The following TTC7B variants were observed in gnomAD, a reference collection of about 807,000 sequenced individuals.
The protein encoded by TTC7B is tetratricopeptide repeat domain 7B.
TTC7B carries 28 observed loss-of-function variants against 106.8 expected under a neutral mutation model. The observed-to-expected ratio is 0.26, with a 90% CI of 0.19 to 0.36. The LOEUF (loss-of-function observed/expected upper bound fraction) is 0.36. TTC7B is among the 10% of genes least tolerant of loss of function. TTC7B has a pLI of 1.00. For missense variants in TTC7B, 862 were observed against 1,076.4 expected (o/e 0.80, Z 2.79); for synonymous variants, 405 against 430.6 (o/e 0.94, Z 0.74).
chr14:90,607,864 G>A (rs1337215624), intron 17 of TTC7B, among the ~76,000 whole-genome samples: 27 of 152,184 alleles, frequency 1.8e-4, no homozygotes, highest in Admixed American at 1.8e-3. Context: ...GCAGAGGAAA[G>A]ATACATATGC....
chr14:90,740,080 C>G (rs978863050), intron 4 of TTC7B, among the ~76,000 whole-genome samples: 32 of 152,232 alleles, frequency 2.1e-4, no homozygotes, highest in African/African-American at 7.5e-4. Flanking sequence ...GGAAAACAAA[C>G]TATCAGAGAC....
At position 90,527,120 on chromosome 14, in the gene TTC7B, G is replaced by T. The variant is rs958356600; in HGVS notation, c.*14248C>A. Reference sequence around the variant, plus strand: ...ATGATTACACTGGAGTTATGGGTTTGGGGGAAGAAGACCACAGAGATGAGG... The same window carrying T: ...ATGATTACACTGGAGTTATGGGTTTTGGGGAAGAAGACCACAGAGATGAGG... On this transcript the variant is annotated 3_prime_UTR_variant, in exon 20 of 20. Coordinates refer to ENST00000328459, the MANE Select transcript of TTC7B (RefSeq NM_001010854.2). The T allele has an allele frequency of 1.3e-5, 2 of 151,994 alleles. No individual in the cohort carries two copies. Among genetic ancestry groups the T allele is most frequent in the Non-Finnish European group, 2.9e-5 (2 of 68,008 alleles). 9.4% of individuals were successfully genotyped at this position (151,994 alleles called of 1,614,324 possible).
Position 90,552,963 on chromosome 14 carries a change from C to T in TTC7B, c.2311-11374G>A, listed in dbSNP as rs117542987. Among the ~76,000 whole-genome samples, 315 of 152,360 alleles carry T rather than the reference C, an allele frequency of 2.1e-3. 6 individuals carry two copies. The East Asian group carries it at 0.049, about 24-fold the overall frequency. Reference sequence around the variant, plus strand: ...CCCAGTCAGACATAGGGGTGTGGAGCCCCAGAGAAAAGACTGAGGCCCAAA... The same window carrying T: ...CCCAGTCAGACATAGGGGTGTGGAGTCCCAGAGAAAAGACTGAGGCCCAAA... On this transcript the variant is annotated intron_variant, in intron 19 of 19. Transcript: ENST00000328459.
intron 19 of TTC7B, among the ~76,000 whole-genome samples, chr14:90,542,469 T>A (rs144550689): frequency 6.6e-6 from 1 of 152,120 alleles, no homozygotes; most frequent in Non-Finnish European, 1.5e-5. Context: ...CGCACCTCTA[T>A]AAGCGATGCG....
Position 90,536,540 on chromosome 14 carries a change from C to T in TTC7B, c.*4828G>A, listed in dbSNP as rs1889423797. ...TCTTCCTGTTTCCTGGCCATCATCG[C>T]CATCCTTCCAGTAGCTCAGGACAAG... On this transcript the variant is annotated 3_prime_UTR_variant, in exon 20 of 20. Coordinates refer to ENST00000328459, the MANE Select transcript of TTC7B (RefSeq NM_001010854.2). The T allele has an allele frequency of 1.3e-5, 2 of 152,704 alleles. No homozygotes were observed. The highest frequency in any genetic ancestry group is 1.3e-4 in the Admixed American group (2 of 15,284). The allele number at this position is 152,704 out of a possible 1,614,324, so 9.5% of individuals were successfully genotyped here. A position where few individuals can be genotyped will look rare whatever the true frequency, so the allele number is the denominator to read the frequency against.
chr14:90,612,418 T>C (rs983905413), intron 16 of TTC7B, among the ~76,000 whole-genome samples: 3 of 152,200 alleles, frequency 2.0e-5, no homozygotes, highest in African/African-American at 4.8e-5. Context: ...TTTCAGAAGA[T>C]TTATCTCAAA....
rs546289572 is a variant in TTC7B, at chr14:90,733,705, A to C, written c.577-3509T>G. On this transcript the variant is annotated intron_variant, in intron 4 of 19. Coordinates refer to ENST00000328459, the MANE Select transcript of TTC7B (RefSeq NM_001010854.2). ...GCAAGTACCCAATGACTGAGGAAGC[A>C]CGGGGAAGGGGCTGAAGATTTTAGT... Among the ~76,000 whole-genome samples the C allele has an allele frequency of 2.6e-5, 4 of 152,326 alleles. No homozygotes were observed. In the South Asian group the frequency reaches 8.3e-4, roughly 32 times the overall value.
rs752322173 is a variant in TTC7B at position 90,578,174 on chromosome 14, C to G, written c.2242G>C (p.Glu748Gln). 6.2e-7 allele frequency: 1 copy of G among 1,613,862 alleles called. No homozygotes were observed. Among genetic ancestry groups the G allele is most frequent in the Non-Finnish European group, 8.5e-7 (1 of 1,179,956 alleles). The change falls in exon 19 of 20, where the codon GAG becomes CAG. Residue 748 changes from glutamate (E) to glutamine (Q), a missense_variant. By Grantham distance (29) the Glu-to-Gln change is conservative. Transcript: ENST00000328459. The surrounding 1 kb of genome is among the most constrained non-coding windows in gnomAD (Gnocchi z 4.7). ...GCCTCTTCATACCACCGCCGCGCCT[C>G]GTCCATGCTTCCCCGGAGCTCAGCA... ...QIAELRGSMD[E>Q]ARRWYEEALA...
In TTC7B at chr14:90,654,913, G is replaced by C. The variant is rs1885881479; in HGVS notation, c.1459+80C>G. ...TTCTGCACCCTCCTGAGACAGAAGG[G>C]GACTGTGGGAATCCCGCAGGGTAGA... On this transcript the variant is annotated intron_variant, in intron 12 of 19. Transcript: ENST00000328459. 3.5e-6 allele frequency: 4 copies of C among 1,139,076 alleles called. No individual in the cohort carries two copies. The East Asian group carries it at 7.1e-5, about 20-fold the overall frequency. 70.6% of individuals were successfully genotyped at this position (1,139,076 alleles called of 1,614,324 possible).
At chr14:90,661,273 C>T (rs538319197) in intron 9 of TTC7B, among the ~76,000 whole-genome samples, 7 of 152,336 alleles carry the variant, frequency 4.6e-5, no homozygotes, top group Admixed American at 3.3e-4. Context: ...GGACACCAAG[C>T]AGCAGACCTG....
intron 4 of TTC7B, among the ~76,000 whole-genome samples, chr14:90,743,536 C>T (rs1441256294): frequency 6.6e-6 from 1 of 152,180 alleles, no homozygotes; most frequent in Non-Finnish European, 1.5e-5. Context: ...TCATTTCAAA[C>T]ACTCTTGTAG....
chr14:90,656,249 G>C (rs945971422), intron 11 of TTC7B, among the ~76,000 whole-genome samples: 2 of 152,164 alleles, frequency 1.3e-5, no homozygotes, highest in Non-Finnish European at 2.9e-5. Flanking sequence ...AGGATATAAG[G>C]GTGAACAACC....
intron 17 of TTC7B, among the ~76,000 whole-genome samples, chr14:90,599,774 C>T (rs1218957421): frequency 6.6e-6 from 1 of 152,216 alleles, no homozygotes; most frequent in Non-Finnish European, 1.5e-5. Flanking sequence ...TTTCCCTTGA[C>T]CCTGAAATGA....
At chr14:90,711,734 T>C (rs186727414) in intron 5 of TTC7B, among the ~76,000 whole-genome samples, 1 of 152,072 alleles carries the variant, frequency 6.6e-6, no homozygotes, top group Admixed American at 6.5e-5. Flanking sequence ...AAACAGAAAA[T>C]TTTTTCCAAA....
intron 15 of TTC7B, among the ~76,000 whole-genome samples, chr14:90,635,957 T>C (rs1884923770): frequency 1.3e-5 from 2 of 150,738 alleles, no homozygotes; most frequent in Admixed American, 6.6e-5. Context: ...CCGTCTCTAC[T>C]AAAAAATACA....
intron 18 of TTC7B, among the ~76,000 whole-genome samples, chr14:90,582,921 T>C (rs988964109): frequency 6.6e-6 from 1 of 152,150 alleles, no homozygotes; most frequent in African/African-American, 2.4e-5. Flanking sequence ...AAGGAAAGGA[T>C]TTCTAAGGTC....
chr14:90,614,232 A>T (rs1486849959), intron 16 of TTC7B, among the ~76,000 whole-genome samples: 2 of 152,226 alleles, frequency 1.3e-5, no homozygotes, highest in African/African-American at 4.8e-5. Flanking sequence ...TCTCATCAGT[A>T]AAATGGGTAT....
chr14:90,658,903 A>T (rs780604285), intron 9 of TTC7B, among the ~76,000 whole-genome samples: 1 of 152,230 alleles, frequency 6.6e-6, no homozygotes, highest in Non-Finnish European at 1.5e-5. Context: ...CTTCCCTCTC[A>T]GTCAGCGAGG....
chr14:90,588,739 A>G (rs1891824880), intron 18 of TTC7B, among the ~76,000 whole-genome samples: 1 of 152,226 alleles, frequency 6.6e-6, no homozygotes. Flanking sequence ...TAGTATATAG[A>G]CAAATGGCAC....
Sources: gnomAD v4.1 joint callset for allele counts (sites outside exome capture counted in the v4.1 genomes callset) on GRCh38, gnomAD v4.1.1 for gene constraint, Gnocchi (gnomAD v3.1) non-coding constraint, MANE v1.5 for transcripts, NCBI Gene and HGNC (gene_info 2026-07-23, HGNC 2026-07-21) for gene names.